Variants in DMXL2 observed in about 807,000 individuals in gnomAD.
The protein encoded by DMXL2 is dmX-like protein 2.
A neutral mutation model predicts 331.1 loss-of-function variants in DMXL2; 103 were observed. The observed-to-expected ratio is 0.31, with a 90% CI of 0.27 to 0.37. The LOEUF (loss-of-function observed/expected upper bound fraction) is 0.37, where lower values mean the gene tolerates loss of function less well. Among genes scored for constraint, DMXL2 ranks in the 10% least tolerant of loss-of-function variants. DMXL2 has a pLI of 1.00. For missense variants in DMXL2, 3,171 were observed against 3,642.9 expected (o/e 0.87, Z 3.33); for synonymous variants, 1,281 against 1,252.1 (o/e 1.02, Z -0.49).
At chr15:51,597,286 C>T (rs1486975541) in intron 1 of DMXL2, among the ~76,000 whole-genome samples, 1 of 152,200 alleles carries the variant, frequency 6.6e-6, no homozygotes, top group African/African-American at 2.4e-5. Flanking sequence ...TTACACTTCT[C>T]CGTCTCAAGC....
In DMXL2 at chr15:51,459,674, C is replaced by T; in HGVS notation, c.7927-14G>A. The T allele has an allele frequency of 7.8e-7, 1 of 1,289,542 alleles. No individual in the cohort carries two copies. Among genetic ancestry groups the T allele is most frequent in the Non-Finnish European group, 1.0e-6 (1 of 988,674 alleles). 79.9% of individuals were successfully genotyped at this position (1,289,542 alleles called of 1,614,324 possible). A position where few individuals can be genotyped will look rare whatever the true frequency, so the allele number is the denominator to read the frequency against. On this transcript the variant is annotated splice_polypyrimidine_tract_variant and intron_variant, in intron 33 of 43. Coordinates refer to ENST00000560891, the MANE Select transcript of DMXL2 (RefSeq NM_001378457.1). ...TTCTTCTATAGACTAAATACCACCA[C>T]ACCGTCACAAACACAAAACACATGC...
chr15:51,570,874 C>A (rs1289888045), intron 2 of DMXL2, among the ~76,000 whole-genome samples: 1 of 152,142 alleles, frequency 6.6e-6, no homozygotes. Flanking sequence ...GAAACTGCAT[C>A]AATTAACAGG....
chr15:51,451,981 T>C (rs1326042381), intron 41 of DMXL2, among the ~76,000 whole-genome samples: 2 of 152,180 alleles, frequency 1.3e-5, no homozygotes, highest in Non-Finnish European at 2.9e-5. Flanking sequence ...AATGCTTTTA[T>C]ATCCCCAGGT....
intron 1 of DMXL2, among the ~76,000 whole-genome samples, chr15:51,608,056 G>A (rs933448960): frequency 5.9e-5 from 9 of 151,882 alleles, no homozygotes; most frequent in South Asian, 2.1e-4. Context: ...GTGGTGGTGC[G>A]CACCTGTAAT....
intron 36 of DMXL2, chr15:51,458,154 A>G: frequency 5.5e-6 from 1 of 182,016 alleles, no homozygotes; most frequent in Non-Finnish European, 1.2e-5. Context: ...TTATCAGGTG[A>G]TAAGAAGAAA....
At chr15:51,516,901 C>A (rs2047067048) in intron 14 of DMXL2, among the ~76,000 whole-genome samples, 177 bp downstream of exon 14, 1 of 152,114 alleles carries the variant, frequency 6.6e-6, no homozygotes, top group African/African-American at 2.4e-5. Flanking sequence ...TCTTGGTTTC[C>A]CAAGGAGAAA....
intron 1 of DMXL2, among the ~76,000 whole-genome samples, chr15:51,576,491 T>C (rs749638336): frequency 3.3e-5 from 5 of 152,160 alleles, no homozygotes; most frequent in African/African-American, 4.8e-5. Flanking sequence ...CTCTCCAAAG[T>C]TCATCTCAGT....
At chr15:51,522,626 T>C (rs551086004) in intron 13 of DMXL2, among the ~76,000 whole-genome samples, 29 of 152,274 alleles carry the variant, frequency 1.9e-4, no homozygotes, top group Non-Finnish European at 2.4e-4. Flanking sequence ...CCTGGGCTGA[T>C]AGAGCAAGAC....
In DMXL2 at chr15:51,480,720, A is replaced by G; in HGVS notation, c.6386T>C (p.Ile2129Thr). ...TTTGGCCTGCAATCTTCTTCTTTCT[A>G]TTTGATGGCGCTCATAGGAACCAAT... ...PDIGSYERHQ[I>T]ERRRLQAKRE... The change falls in exon 24 of 44, where the codon ATA (isoleucine) becomes ACA (threonine). Residue 2129 changes from isoleucine (I) to threonine (T), a missense_variant. Ile to Thr is a moderately conservative substitution (Grantham distance 89). This residue lies in a region of DMXL2 where 197 missense variants were observed against 196.2 expected (regional missense o/e 1.00). Coordinates refer to ENST00000560891, the MANE Select transcript of DMXL2 (RefSeq NM_001378457.1). 6.2e-7 allele frequency: 1 copy of G among 1,607,120 alleles called. No individual in the cohort carries two copies. Among genetic ancestry groups the G allele is most frequent in the Non-Finnish European group, 8.5e-7 (1 of 1,175,744 alleles).
intron 40 of DMXL2, 81 bp downstream of exon 40, chr15:51,455,070 A>G (rs1421794807): frequency 2.6e-6 from 3 of 1,141,698 alleles, no homozygotes; most frequent in Non-Finnish European, 4.0e-6. Flanking sequence ...AGGACCACCA[A>G]TGAGATTCAC....
At chr15:51,472,971 CTTCTA>C (rs2140317579) in intron 28 of DMXL2, among the ~76,000 whole-genome samples, 1 of 132,818 alleles carries the variant, frequency 7.5e-6, no homozygotes, top group African/African-American at 3.0e-5. Flanking sequence ...CCCAGCTACT[CTTCTA>C]TTCTCATCTC....
chr15:51,512,037 G>C (rs1454342690), intron 15 of DMXL2, among the ~76,000 whole-genome samples: 1 of 152,094 alleles, frequency 6.6e-6, no homozygotes, highest in Non-Finnish European at 1.5e-5. Flanking sequence ...ACCAGGGCCT[G>C]TTGGGGGGTG....
chr15:51,450,870 T>C (rs1301298914), intron 42 of DMXL2, among the ~76,000 whole-genome samples: 1 of 152,246 alleles, frequency 6.6e-6, no homozygotes, highest in African/African-American at 2.4e-5. Context: ...TAACCACTGT[T>C]TGCAGAATTC....
chr15:51,585,446 T>C (rs2051737240), intron 1 of DMXL2, among the ~76,000 whole-genome samples: 1 of 152,230 alleles, frequency 6.6e-6, no homozygotes, highest in Non-Finnish European at 1.5e-5. Context: ...TGCACAGTAT[T>C]AGTATTTCAT....
chr15:51,536,786 T>A lies in DMXL2; in HGVS notation c.1694A>T (p.Tyr565Phe). The stretch of plus-strand genomic sequence containing the variant: ...ATCTTTTGTCGCATTTATACAGGCA[T>A]ACATCATGATATTTTTACTAAGAGA... ...ASSLSKNIMM[Y>F]ACINATKDSH... Residue 565 changes from tyrosine to phenylalanine, a missense_variant, in exon 12 of 44, where the codon TAT becomes TTT. Tyr to Phe is a conservative substitution (Grantham distance 22). Around this residue, in one of 7 missense-constraint regions of DMXL2, gnomAD observed 1,674 missense variants for 1,780.2 expected, o/e 0.94. Coordinates refer to ENST00000560891, the MANE Select transcript of DMXL2 (RefSeq NM_001378457.1). 5 of 1,613,932 alleles carry A rather than the reference T, an allele frequency of 3.1e-6. No homozygotes were observed. The highest frequency in any genetic ancestry group is 4.2e-6 in the Non-Finnish European group (5 of 1,179,958).
chr15:51,474,024 A>C (rs1282696122), intron 28 of DMXL2, among the ~76,000 whole-genome samples: 2 of 144,464 alleles, frequency 1.4e-5, no homozygotes, highest in Non-Finnish European at 3.0e-5. Flanking sequence ...TTTTCATTTT[A>C]TTGTCTTAGG....
intron 29 of DMXL2, chr15:51,466,655 G>A (rs1458970374): frequency 6.6e-6 from 1 of 151,820 alleles, no homozygotes; most frequent in African/African-American, 2.4e-5. Context: ...GACAAACTAT[G>A]AAAGCTGTGA....
intron 20 of DMXL2, among the ~76,000 whole-genome samples, 184 bp downstream of exon 20, chr15:51,491,394 T>C (rs1176075784): frequency 1.3e-5 from 2 of 151,314 alleles, no homozygotes; most frequent in African/African-American, 2.4e-5. Flanking sequence ...TGAGCCAAGA[T>C]CACACCATTG....
At chr15:51,504,040 G>C (rs1370897752) in intron 16 of DMXL2, among the ~76,000 whole-genome samples, 1 of 151,958 alleles carries the variant, frequency 6.6e-6, no homozygotes, top group Admixed American at 6.6e-5. Context: ...ACAGTCCAGT[G>C]CTTACAACCT....
Sources: gnomAD v4.1 joint callset for allele counts (sites outside exome capture counted in the v4.1 genomes callset) on GRCh38, gnomAD v4.1.1 for gene constraint, gnomAD v4.1.1 regional missense constraint, MANE v1.5 for transcripts, NCBI Gene and HGNC (gene_info 2026-07-23, HGNC 2026-07-21) for gene names.